Variants in LAPTM4B observed in about 807,000 individuals in gnomAD.
LAPTM4B encodes lysosomal-associated transmembrane protein 4B.
A neutral mutation model predicts 28.5 loss-of-function variants in LAPTM4B; 26 were observed. That is an observed-to-expected ratio of 0.91 (90% CI 0.67 to 1.27). The LOEUF (loss-of-function observed/expected upper bound fraction) is 1.27. Among genes scored for constraint, LAPTM4B ranks in the 50% most tolerant of loss-of-function variants. The pLI, the probability that LAPTM4B is intolerant of heterozygous loss-of-function variation, is 0.00. For synonymous variants in LAPTM4B, 109 were observed against 106.4 expected, an observed-to-expected ratio of 1.02 and a Z score of -0.15; for missense variants, 288 against 285.8, an observed-to-expected ratio of 1.01 and a Z score of -0.06.
At chr8:97,819,996 A>C (rs567574679) in intron 5 of LAPTM4B, among the ~76,000 whole-genome samples, 2 of 152,134 alleles carry the variant, frequency 1.3e-5, no homozygotes, top group South Asian at 4.2e-4. Context: ...CGGCCTCCCA[A>C]AGCTGGGATT....
rs536315020 is a variant in LAPTM4B at position 97,803,951 on chromosome 8, A to T, written c.100-1402A>T. 1.5e-4 allele frequency among the ~76,000 whole-genome samples: 23 copies of T among 152,280 alleles called. No individual in the cohort carries two copies. The South Asian group carries it at 4.8e-3, about 32-fold the overall frequency. On this transcript the variant is annotated intron_variant, in intron 1 of 6. Transcript: ENST00000521545. ...AGCCACTGTGTTCAACCCAAATATG[A>T]TTTTTGTGGTAGGATATGCCATTAG...
intron 6 of LAPTM4B, among the ~76,000 whole-genome samples, chr8:97,826,666 G>A (rs1226345204): frequency 6.6e-6 from 1 of 152,012 alleles, no homozygotes; most frequent in African/African-American, 2.4e-5. Context: ...CCACCACCAC[G>A]CCCGGCTAAT....
chr8:97,826,986 C>T (rs1817100195), intron 6 of LAPTM4B, among the ~76,000 whole-genome samples: 1 of 152,162 alleles, frequency 6.6e-6, no homozygotes. Context: ...ACACAAGATA[C>T]ATCAGAACCT....
intron 2 of LAPTM4B, among the ~76,000 whole-genome samples, chr8:97,808,991 A>G (rs1258779524): frequency 1.3e-5 from 2 of 152,164 alleles, no homozygotes; most frequent in Non-Finnish European, 2.9e-5. Flanking sequence ...AAGTAATTAC[A>G]AACTATTCAT....
intron 1 of LAPTM4B, among the ~76,000 whole-genome samples, chr8:97,794,528 A>T (rs1055727147): frequency 1.3e-5 from 2 of 152,176 alleles, no homozygotes; most frequent in Non-Finnish European, 2.9e-5. Flanking sequence ...CAATAAATCT[A>T]ATTTCCCCCC....
At chr8:97,824,823 C>A (rs1004359315) in intron 5 of LAPTM4B, among the ~76,000 whole-genome samples, 4 of 151,864 alleles carry the variant, frequency 2.6e-5, no homozygotes, top group Non-Finnish European at 5.9e-5. Flanking sequence ...CCCCCAGTAC[C>A]ACCCCCATAC....
rs903667080 is a variant in LAPTM4B, at chr8:97,844,084, A to AT, written c.604-7308dup. 3.4e-5 allele frequency among the ~76,000 whole-genome samples: 4 copies of AT among 116,730 alleles called. No individual in the cohort carries two copies. In the Admixed American group the frequency reaches 4.1e-4, roughly 12 times the overall value. The allele number at this position is 116,730 out of a possible 152,430, so 76.6% of individuals were successfully genotyped here. A position where few individuals can be genotyped will look rare whatever the true frequency, so the allele number is the denominator to read the frequency against. On this transcript the variant is annotated intron_variant, in intron 6 of 6. Transcript: ENST00000521545. ...CTCAGTTGTCTTATTTTGCGTGATG[A>AT]TTTTTGGGGGTGGGGGGAGCAGGAT...
intron 6 of LAPTM4B, among the ~76,000 whole-genome samples, chr8:97,840,300 T>C (rs1055581046): frequency 1.1e-4 from 16 of 152,254 alleles, no homozygotes; most frequent in African/African-American, 3.6e-4. Flanking sequence ...ATATTTGCGG[T>C]GTGAATTCTG....
intron 1 of LAPTM4B, among the ~76,000 whole-genome samples, chr8:97,779,611 C>G (rs1249253902): frequency 2.0e-5 from 3 of 150,400 alleles, no homozygotes; most frequent in Non-Finnish European, 4.4e-5. Context: ...ATGGCAAGAT[C>G]CCGTCTCTAA....
chr8:97,840,479 T>G (rs1019745807), intron 6 of LAPTM4B, among the ~76,000 whole-genome samples: 2 of 152,140 alleles, frequency 1.3e-5, no homozygotes, highest in African/African-American at 4.8e-5. Flanking sequence ...AATTCCTTGC[T>G]CTAGGTGAGA....
At chr8:97,790,362 A>AGT (rs1238848076) in intron 1 of LAPTM4B, among the ~76,000 whole-genome samples, 1 of 149,658 alleles carries the variant, frequency 6.7e-6, no homozygotes, top group Non-Finnish European at 1.5e-5. Context: ...GCCAGGCTGG[A>AGT]GTACAGTGGC....
intron 6 of LAPTM4B, among the ~76,000 whole-genome samples, chr8:97,839,662 A>G (rs1817316082): frequency 6.6e-6 from 1 of 152,126 alleles, no homozygotes; most frequent in South Asian, 2.1e-4. Context: ...GAGGACATCT[A>G]GAGCAGTCAG....
At chr8:97,832,589 A>G (rs1421848754) in intron 6 of LAPTM4B, among the ~76,000 whole-genome samples, 2 of 152,144 alleles carry the variant, frequency 1.3e-5, no homozygotes, top group African/African-American at 4.8e-5. Flanking sequence ...CTCTTAACAT[A>G]GTTGTATTGA....
At chr8:97,845,349 T>G (rs1055019683) in intron 6 of LAPTM4B, among the ~76,000 whole-genome samples, 7 of 152,020 alleles carry the variant, frequency 4.6e-5, no homozygotes, top group East Asian at 1.9e-4. Context: ...CTAAGTTGTT[T>G]TTTTTTTTAA....
At chr8:97,823,195 A>G (rs1437222942) in intron 5 of LAPTM4B, among the ~76,000 whole-genome samples, 2 of 152,244 alleles carry the variant, frequency 1.3e-5, no homozygotes, top group South Asian at 2.1e-4. Context: ...AATAAGGTCA[A>G]TGAAAGAAGT....
chr8:97,837,216 A>T lies in LAPTM4B; in HGVS notation c.603+12063A>T, dbSNP rs1368500444. Among the ~76,000 whole-genome samples, 21 of 137,868 alleles carry T rather than the reference A, an allele frequency of 1.5e-4. No homozygotes were observed. In the Admixed American group the frequency reaches 1.6e-3, roughly 10 times the overall value. The allele number at this position is 137,868 out of a possible 152,430, so 90.4% of individuals were successfully genotyped here. On this transcript the variant is annotated intron_variant, in intron 6 of 6. Coordinates refer to ENST00000521545, the MANE Select transcript of LAPTM4B (RefSeq NM_018407.6). ...GCCACTTTTTTTTTTTTTTTTGGAGACAGAGTCTCTGTCGCCCAGGCTGTG... is the reference window on the plus strand; with the variant it reads ...GCCACTTTTTTTTTTTTTTTTGGAGTCAGAGTCTCTGTCGCCCAGGCTGTG...
Position 97,819,642 on chromosome 8 carries a change from T to C in LAPTM4B, c.507+404T>C, listed in dbSNP as rs551715529. ...AAATTACTTGATGAGCATTGAGACA[T>C]TTTTTACTTTTTCACTTAATAGGGC... On this transcript the variant is annotated intron_variant, in intron 5 of 6. Coordinates refer to ENST00000521545, the MANE Select transcript of LAPTM4B (RefSeq NM_018407.6). Among the ~76,000 whole-genome samples, 4 of 152,158 alleles carry C rather than the reference T, an allele frequency of 2.6e-5. No individual in the cohort carries two copies. In the South Asian group the frequency reaches 8.3e-4, roughly 32 times the overall value.
At chr8:97,830,187 C>T (rs779702778) in intron 6 of LAPTM4B, among the ~76,000 whole-genome samples, 113 of 151,846 alleles carry the variant, frequency 7.4e-4, no homozygotes, top group Non-Finnish European at 1.5e-3. Flanking sequence ...GGATTAGAGA[C>T]GGTGAGGAGA....
chr8:97,792,917 G>T (rs2129744268), intron 1 of LAPTM4B, among the ~76,000 whole-genome samples: 1 of 152,240 alleles, frequency 6.6e-6, no homozygotes, highest in African/African-American at 2.4e-5. Context: ...CCCTAAAATT[G>T]TTTGTGCTAT....
Sources: allele counts gnomAD v4.1 joint callset (sites outside exome capture counted in the v4.1 genomes callset), GRCh38; gene constraint gnomAD v4.1.1; transcripts MANE v1.5; gene names NCBI Gene and HGNC (gene_info 2026-07-23, HGNC 2026-07-21).